SNTG1: variants seen among roughly 807,000 people sequenced by gnomAD.
SNTG1 encodes the protein gamma-1-syntrophin.
Under a neutral mutation model 74.7 loss-of-function variants are expected in SNTG1, and 39 were observed. That is an observed-to-expected ratio of 0.52 (90% confidence interval 0.40 to 0.68). The LOEUF is 0.68. Among genes scored for constraint, SNTG1 ranks in the 30% least tolerant of loss-of-function variants. The probability of loss-of-function intolerance (pLI) is 0.00; values close to 1 mark genes in which losing one functional copy is unlikely to be tolerated. For missense variants in SNTG1, 685 were observed against 609.5 expected, an observed-to-expected ratio of 1.12 and a Z score of -1.30; for synonymous variants, 254 against 217.1, an observed-to-expected ratio of 1.17 and a Z score of -1.49.
chr8:50,691,965 T>C (rs2095382077), intron 15 of SNTG1, among the ~76,000 whole-genome samples: 1 of 152,172 alleles, frequency 6.6e-6, no homozygotes, highest in Admixed American at 6.5e-5. Flanking sequence ...TTCTTTTTTC[T>C]CTAAACTTCT....
chr8:50,623,086 T>C (rs773849744), intron 13 of SNTG1, among the ~76,000 whole-genome samples: 21 of 152,126 alleles, frequency 1.4e-4, no homozygotes, highest in Non-Finnish European at 2.2e-4. Context: ...GTGGAATCTT[T>C]AGGATTTTGT....
At chr8:50,136,471 C>G (rs528575994) in intron 1 of SNTG1, among the ~76,000 whole-genome samples, 1 of 152,176 alleles carries the variant, frequency 6.6e-6, no homozygotes, top group South Asian at 2.1e-4. Context: ...GATGGTATCC[C>G]TTTGTGGTTT....
intron 1 of SNTG1, among the ~76,000 whole-genome samples, chr8:50,118,126 A>T (rs1035874400): frequency 5.9e-5 from 9 of 152,204 alleles, no homozygotes; most frequent in Non-Finnish European, 1.3e-4. Context: ...CATACCAGCC[A>T]CTTGGGAATA....
chr8:50,422,740 A>G (rs1055901182), intron 4 of SNTG1, among the ~76,000 whole-genome samples: 26 of 152,134 alleles, frequency 1.7e-4, no homozygotes, highest in Admixed American at 1.4e-3. Flanking sequence ...CTGAAAAGAT[A>G]TCTCAAAAGA....
intron 2 of SNTG1, among the ~76,000 whole-genome samples, chr8:50,318,005 T>G (rs1216990598): frequency 1.3e-5 from 2 of 151,998 alleles, no homozygotes; most frequent in Non-Finnish European, 2.9e-5. Context: ...CCCGGCTAAT[T>G]TTTTGTATTT....
chr8:50,322,072 C>G (rs2090553632), intron 2 of SNTG1, among the ~76,000 whole-genome samples: 1 of 151,634 alleles, frequency 6.6e-6, no homozygotes, highest in African/African-American at 2.4e-5. Context: ...TGCTTATTAA[C>G]ATCTTTTTTT....
At chr8:50,366,304 C>T (rs1269907007) in intron 2 of SNTG1, among the ~76,000 whole-genome samples, 2 of 152,196 alleles carry the variant, frequency 1.3e-5, no homozygotes, top group African/African-American at 2.4e-5. Flanking sequence ...CGCCCAAGAT[C>T]ACAGAGTGAG....
chr8:50,478,181 C>T (rs890583170), intron 8 of SNTG1, among the ~76,000 whole-genome samples: 1 of 152,116 alleles, frequency 6.6e-6, no homozygotes. Context: ...AGACAGCAGC[C>T]CTTGGTTTAC....
chr8:50,412,697 T>C (rs1243695181), intron 4 of SNTG1, among the ~76,000 whole-genome samples: 1 of 152,164 alleles, frequency 6.6e-6, no homozygotes, highest in Non-Finnish European at 1.5e-5. Context: ...AGGTAGAATT[T>C]TGCGGGATAT....
chr8:50,215,105 C>G (rs1056767700), intron 2 of SNTG1, among the ~76,000 whole-genome samples: 1 of 152,056 alleles, frequency 6.6e-6, no homozygotes, highest in Admixed American at 6.6e-5. Context: ...ACATGTGCAC[C>G]AGTCCCGGAA....
At chr8:50,505,802 G>T (rs538091384) in intron 9 of SNTG1, among the ~76,000 whole-genome samples, 3 of 152,134 alleles carry the variant, frequency 2.0e-5, no homozygotes, top group East Asian at 3.9e-4. Flanking sequence ...CCATTTCAAA[G>T]GTTGCTGTTT....
intron 1 of SNTG1, among the ~76,000 whole-genome samples, chr8:50,030,255 G>A (rs1276298142): frequency 1.3e-5 from 2 of 151,900 alleles, no homozygotes; most frequent in African/African-American, 4.8e-5. Context: ...CTAGTCTCTT[G>A]TTAGATGCAT....
At chr8:50,431,873 G>A (rs1226959531) in intron 4 of SNTG1, among the ~76,000 whole-genome samples, 2 of 152,022 alleles carry the variant, frequency 1.3e-5, no homozygotes, top group African/African-American at 2.4e-5. Flanking sequence ...TTTTAATTGG[G>A]TTGTTTGTGT....
chr8:50,426,090 A>G (rs1031976069), intron 4 of SNTG1, among the ~76,000 whole-genome samples: 1 of 152,182 alleles, frequency 6.6e-6, no homozygotes, highest in African/African-American at 2.4e-5. Flanking sequence ...CATCTTACAT[A>G]GTATGGTAAG....
intron 9 of SNTG1, among the ~76,000 whole-genome samples, chr8:50,528,222 G>A (rs1406668152): frequency 6.6e-6 from 1 of 151,808 alleles, no homozygotes; most frequent in Non-Finnish European, 1.5e-5. Context: ...CTTGATACTA[G>A]TGGGGAATAA....
chr8:50,197,046 A>C (rs575423621), intron 2 of SNTG1, among the ~76,000 whole-genome samples: 1 of 152,208 alleles, frequency 6.6e-6, no homozygotes, highest in African/African-American at 2.4e-5. Flanking sequence ...AGGAATTTTT[A>C]AAATAAAAGA....
At chr8:50,146,316 G>T (rs1410960786) in intron 1 of SNTG1, among the ~76,000 whole-genome samples, 1 of 152,044 alleles carries the variant, frequency 6.6e-6, no homozygotes, top group South Asian at 2.1e-4. Context: ...TCAGGAGTTC[G>T]CGACCAGCCT....
chr8:50,438,186 T>C (rs1307582887), intron 4 of SNTG1, among the ~76,000 whole-genome samples: 1 of 152,156 alleles, frequency 6.6e-6, no homozygotes, highest in Non-Finnish European at 1.5e-5. Flanking sequence ...GTTACTTTTA[T>C]ATAACCTAAA....
At chr8:50,151,115 C>T (rs1295758493) in intron 1 of SNTG1, among the ~76,000 whole-genome samples, 11 of 152,094 alleles carry the variant, frequency 7.2e-5, no homozygotes, top group Admixed American at 7.2e-4. Flanking sequence ...TTCAGGGATT[C>T]AACTTCTTCC....
Sources: allele counts gnomAD v4.1 joint callset (sites outside exome capture counted in the v4.1 genomes callset), GRCh38; gene constraint gnomAD v4.1.1; transcripts MANE v1.5; gene names NCBI Gene and HGNC (gene_info 2026-07-23, HGNC 2026-07-21).